Variants in PCCA observed in about 807,000 individuals in gnomAD.
The protein encoded by PCCA is propionyl-CoA carboxylase subunit alpha.
In PCCA, 74 loss-of-function variants were observed where a neutral mutation model predicts 101.3. The observed-to-expected ratio is 0.73, with a 90% CI of 0.61 to 0.89. The LOEUF (loss-of-function observed/expected upper bound fraction) is 0.89. PCCA is among the 40% of genes least tolerant of loss of function. PCCA has a pLI of 0.00. For synonymous variants in PCCA, 294 were observed against 313.6 expected (o/e 0.94, Z 0.66); for missense variants, 891 against 907.0 (o/e 0.98, Z 0.23).
chr13:100,290,402 G>A (rs1193199676), intron 12 of PCCA, among the ~76,000 whole-genome samples: 3 of 151,872 alleles, frequency 2.0e-5, no homozygotes, highest in Non-Finnish European at 4.4e-5. Flanking sequence ...TTGTAGAGAC[G>A]AGATCTCACT....
chr13:100,275,624 T>A (rs1394307462), intron 12 of PCCA, among the ~76,000 whole-genome samples: 7 of 152,224 alleles, frequency 4.6e-5, no homozygotes, highest in Non-Finnish European at 1.0e-4. Context: ...TATTTTTGAG[T>A]TTAAATTTCT....
chr13:100,162,145 ATTTGT>A lies in PCCA; in HGVS notation c.468+4811_468+4815del, dbSNP rs369980840. On this transcript the variant is annotated intron_variant, in intron 6 of 23. Transcript: ENST00000376285. ...CTGCGTGTGCTAGAATTTTGCTATC[ATTTGT>A]TTTGTAAGATACTCTTAGTTGCTTA... 1.8e-4 allele frequency among the ~76,000 whole-genome samples: 27 copies of A among 150,818 alleles called. No homozygotes were observed. The East Asian group carries it at 3.7e-3, about 21-fold the overall frequency.
At chr13:100,198,504 ATTCATTC>A (rs1566686411) in intron 6 of PCCA, 9 of 141,462 alleles carry the variant, frequency 6.4e-5, no homozygotes, top group African/African-American at 2.4e-4. Flanking sequence ...TCATTCATTC[ATTCATTC>A]ATTTTTGAGA....
chr13:100,386,405 G>A (rs948112067), intron 19 of PCCA, among the ~76,000 whole-genome samples: 2 of 151,808 alleles, frequency 1.3e-5, no homozygotes, highest in African/African-American at 2.4e-5. Flanking sequence ...ACGGAATCTC[G>A]CTCTGTAGCC....
chr13:100,188,332 C>CAAAG (rs985487339), intron 6 of PCCA, among the ~76,000 whole-genome samples: 2 of 140,526 alleles, frequency 1.4e-5, no homozygotes, highest in South Asian at 2.4e-4. Flanking sequence ...AACAAAAACA[C>CAAAG]AAAGAAAGAA....
At chr13:100,259,598 G>A (rs2152561224) in intron 9 of PCCA, among the ~76,000 whole-genome samples, 1 of 152,174 alleles carries the variant, frequency 6.6e-6, no homozygotes, top group Non-Finnish European at 1.5e-5. Flanking sequence ...CTCCCAAAGT[G>A]CTGGGATTAC....
chr13:100,477,020 T>G (rs1449728300), intron 21 of PCCA, among the ~76,000 whole-genome samples: 1 of 152,256 alleles, frequency 6.6e-6, no homozygotes, highest in Non-Finnish European at 1.5e-5. Context: ...TTATAGTTAC[T>G]ACTTCAGTAA....
chr13:100,489,791 A>T (rs1236347906), intron 21 of PCCA, among the ~76,000 whole-genome samples: 1 of 152,238 alleles, frequency 6.6e-6, no homozygotes, highest in African/African-American at 2.4e-5. Context: ...CTAGGGTTTT[A>T]TAAATGCAGG....
Position 100,527,670 on chromosome 13 carries a change from T to C in PCCA, c.2041-5T>C. 6.2e-7 allele frequency: 1 copy of C among 1,610,308 alleles called. No homozygotes were observed. Among genetic ancestry groups the C allele is most frequent in the Non-Finnish European group, 8.5e-7 (1 of 1,176,480 alleles). Reference sequence around the variant, plus strand: ...TTAAAACTTCTGCCCATTTTTGTTTTCCAGGTAGCAGAAGGTCAAGAAATT... The same window carrying C: ...TTAAAACTTCTGCCCATTTTTGTTTCCCAGGTAGCAGAAGGTCAAGAAATT... On this transcript the variant is annotated splice_polypyrimidine_tract_variant and splice_region_variant and intron_variant, in intron 22 of 23. Coordinates refer to ENST00000376285, the MANE Select transcript of PCCA (RefSeq NM_000282.4).
chr13:100,113,236 G>A (rs2048487262), intron 4 of PCCA, among the ~76,000 whole-genome samples: 1 of 152,128 alleles, frequency 6.6e-6, no homozygotes, highest in Admixed American at 6.5e-5. Context: ...AAATACTGTA[G>A]GCAATTGTAA....
intron 21 of PCCA, among the ~76,000 whole-genome samples, chr13:100,461,389 G>C (rs2082153950): frequency 6.6e-6 from 1 of 152,106 alleles, no homozygotes; most frequent in Non-Finnish European, 1.5e-5. Flanking sequence ...TTTTAATAGA[G>C]CAGACTCCCA....
intron 10 of PCCA, among the ~76,000 whole-genome samples, chr13:100,263,175 T>G (rs185490162): frequency 8.5e-5 from 13 of 152,322 alleles, no homozygotes; most frequent in South Asian, 8.3e-4. Flanking sequence ...GCTAGGAGCT[T>G]GTTGTATAGA....
intron 1 of PCCA, among the ~76,000 whole-genome samples, chr13:100,090,917 G>A (rs1022483303): frequency 2.6e-5 from 4 of 152,128 alleles, no homozygotes; most frequent in Admixed American, 6.6e-5. Flanking sequence ...TGCTATCTAC[G>A]GTAAGGGAGT....
intron 19 of PCCA, among the ~76,000 whole-genome samples, chr13:100,384,172 C>T (rs959121719): frequency 6.6e-6 from 1 of 152,088 alleles, no homozygotes; most frequent in African/African-American, 2.4e-5. Context: ...ATTACAGGCA[C>T]GTGCCACCAC....
At chr13:100,274,534 G>A (rs915231889) in intron 12 of PCCA, among the ~76,000 whole-genome samples, 4 of 152,090 alleles carry the variant, frequency 2.6e-5, no homozygotes, top group African/African-American at 4.8e-5. Context: ...GGTTCCAGCC[G>A]AGTGGGTTCC....
chr13:100,155,085 C>T lies in PCCA; in HGVS notation c.407C>T (p.Ala136Val), dbSNP rs1222230195. ...ATGGAAGCCATTAAGAAAACCAGGG[C>T]CCAAGCTGTGAGTCTGAATGAATCT... Reference protein sequence around the residue: ...AIMEAIKKTRAQAVHPGYGFL... With the variant: ...AIMEAIKKTRVQAVHPGYGFL... Residue 136 changes from alanine to valine, a missense_variant, in exon 5 of 24, where the codon GCC becomes GTC. Transcript: ENST00000376285. 1 of 1,605,774 alleles carries T rather than the reference C, an allele frequency of 6.2e-7. No homozygotes were observed. Among genetic ancestry groups the T allele is most frequent in the African/African-American group, 1.3e-5 (1 of 74,684 alleles).
At chr13:100,299,424 A>G (rs888520512) in intron 12 of PCCA, among the ~76,000 whole-genome samples, 5 of 152,256 alleles carry the variant, frequency 3.3e-5, no homozygotes, top group South Asian at 2.1e-4. Context: ...ATACTTTTAT[A>G]CATACATTTC....
At chr13:100,321,934 G>A (rs865969654) in intron 16 of PCCA, among the ~76,000 whole-genome samples, 1 of 152,242 alleles carries the variant, frequency 6.6e-6, no homozygotes. Context: ...GGGTATACAT[G>A]TTAAGCTGTT....
At chr13:100,143,537 CA>C (rs1308856198) in intron 4 of PCCA, among the ~76,000 whole-genome samples, 2,394 of 60,388 alleles carry the variant, frequency 0.04, 60 homozygotes, top group African/African-American at 0.12. Context: ...TCTGCATCCA[CA>C]AAAAAAAAAA....
Sources: gnomAD v4.1 joint callset for allele counts (sites outside exome capture counted in the v4.1 genomes callset) on GRCh38, gnomAD v4.1.1 for gene constraint, MANE v1.5 for transcripts, NCBI Gene and HGNC (gene_info 2026-07-23, HGNC 2026-07-21) for gene names.